The following CIP2A variants were observed in gnomAD, a reference collection of about 807,000 sequenced individuals.
The protein encoded by CIP2A is protein CIP2A.
In CIP2A, 103 loss-of-function variants were observed where a neutral mutation model predicts 110.9. The observed-to-expected ratio is 0.93, with a 90% confidence interval of 0.79 to 1.09. CIP2A has a LOEUF of 1.09. Among genes scored for constraint, CIP2A ranks in the 50% least tolerant of loss-of-function variants. The pLI, the probability that CIP2A is intolerant of heterozygous loss-of-function variation, is 0.00. For synonymous variants in CIP2A, 381 were observed against 361.6 expected (o/e 1.05, Z -0.61); for missense variants, 1,088 against 1,038.4 (o/e 1.05, Z -0.66).
intron 17 of CIP2A, among the ~76,000 whole-genome samples, chr3:108,555,787 A>G (rs190577639): frequency 1.4e-3 from 206 of 152,256 alleles, no homozygotes; most frequent in African/African-American, 4.6e-3. Flanking sequence ...TGTCCTTTAA[A>G]CTTAAACCAA....
intron 7 of CIP2A, among the ~76,000 whole-genome samples, chr3:108,578,264 T>C (rs1938749516): frequency 6.6e-6 from 1 of 152,244 alleles, no homozygotes; most frequent in Non-Finnish European, 1.5e-5. Context: ...ACTATGAAGA[T>C]GCTGAATAAG....
rs1032073620 is a variant in CIP2A, at chr3:108,553,267, C to T, written c.2407+381G>A. Among the ~76,000 whole-genome samples, 4 of 151,272 alleles carry T rather than the reference C, an allele frequency of 2.6e-5. No homozygotes were observed. In the South Asian group the frequency reaches 8.3e-4, roughly 32 times the overall value. On this transcript the variant is annotated intron_variant, in intron 19 of 20. Transcript: ENST00000295746. ...GTAGCTTCCTGAGTAGCTGGAACTA[C>T]AGGTGCACACTAACACACCTGGCTA... is the stretch of plus-strand genomic sequence containing the variant.
At chr3:108,583,724 A>G (rs1938960981) in intron 2 of CIP2A, among the ~76,000 whole-genome samples, 1 of 152,200 alleles carries the variant, frequency 6.6e-6, no homozygotes, top group Admixed American at 6.5e-5. Flanking sequence ...TAAGGTGACT[A>G]TAGTTAACAA....
In CIP2A at chr3:108,559,831, T is replaced by C; in HGVS notation, c.1939A>G (p.Lys647Glu). ...TCAGCCTGTGCAAGGGCTAGAGCTT[T>C]TGTTTCCAAAAGATCTTGTAGCCTG... is the stretch of plus-strand genomic sequence containing the variant. ...ESRLQDLLET[K>E]ALALAQADRL... Residue 647 changes from lysine (K) to glutamate (E), a missense_variant, in exon 16 of 21, where the codon AAA becomes GAA. Lys to Glu is a moderately conservative substitution (Grantham distance 56). Transcript: ENST00000295746. The C allele has an allele frequency of 6.2e-7, 1 of 1,607,978 alleles. No individual in the cohort carries two copies. The highest frequency in any genetic ancestry group is 8.5e-7 in the Non-Finnish European group (1 of 1,175,656).
At chr3:108,575,433 C>CACAT (rs1200743875) in intron 8 of CIP2A, among the ~76,000 whole-genome samples, 5 of 146,074 alleles carry the variant, frequency 3.4e-5, no homozygotes, top group Admixed American at 1.4e-4. Flanking sequence ...TGTATACATA[C>CACAT]ACATACATAT....
intron 1 of CIP2A, among the ~76,000 whole-genome samples, chr3:108,588,555 A>G (rs1939169678): frequency 6.6e-6 from 1 of 152,208 alleles, no homozygotes; most frequent in Non-Finnish European, 1.5e-5. Flanking sequence ...AAGCTGTGAC[A>G]CAGAGAGTTA....
rs141998510 is a variant in CIP2A at position 108,566,507 on chromosome 3, A to C, written c.1405T>G (p.Ser469Ala). ...DLGFGTKVADSELCKLAADVI... is the reference protein window; with the variant it reads ...DLGFGTKVADAELCKLAADVI... ...AGTTTATATACTCACCATAATTCAG[A>C]ATCTGCAACCTTTGTTCCAAATCCC... Residue 469 changes from serine to alanine, a missense_variant, in exon 11 of 21, where the codon TCT becomes GCT. By Grantham distance (99) the Ser-to-Ala change is moderately conservative. Transcript: ENST00000295746. The C allele has an allele frequency of 8.7e-6, 14 of 1,606,876 alleles. No homozygotes were observed. The African/African-American group carries it at 1.3e-4, about 15-fold the overall frequency.
Position 108,559,886 on chromosome 3 carries a change from T to A in CIP2A, c.1903-19A>T. ...CTTTGGACTACAAGAAAACATATCA[T>A]TAATTTTCATTTTAGGAATACATCT... On this transcript the variant is annotated intron_variant, in intron 15 of 20. Transcript: ENST00000295746. The A allele has an allele frequency of 6.3e-7, 1 of 1,594,730 alleles. No homozygotes were observed. The highest frequency in any genetic ancestry group is 8.6e-7 in the Non-Finnish European group (1 of 1,165,320).
rs768755726 is a variant in CIP2A at position 108,585,047 on chromosome 3, A to C, written c.250+18T>G. The C allele has an allele frequency of 5.6e-6, 9 of 1,595,290 alleles. No individual in the cohort carries two copies. The South Asian group carries it at 1.0e-4, about 18-fold the overall frequency. ...ATACATCTTCCAAAAACTAAAAAGG[A>C]GAAATTAAATGCATTACCTAGTTGA... On this transcript the variant is annotated intron_variant, in intron 2 of 20. Coordinates refer to ENST00000295746, the MANE Select transcript of CIP2A (RefSeq NM_020890.3).
intron 5 of CIP2A, among the ~76,000 whole-genome samples, chr3:108,580,200 C>T (rs760187050): frequency 2.0e-5 from 3 of 152,014 alleles, no homozygotes; most frequent in African/African-American, 7.3e-5. Context: ...CGTTACACAC[C>T]GTGGAGCAGC....
chr3:108,584,777 T>G (rs1448101155), intron 2 of CIP2A: 1 of 249,672 alleles, frequency 4.0e-6, no homozygotes, highest in African/African-American at 2.2e-5. Context: ...ATTGGAGTAG[T>G]GACCACTAAA....
At chr3:108,578,122 C>T (rs181657550) in intron 7 of CIP2A, among the ~76,000 whole-genome samples, 1 of 152,116 alleles carries the variant, frequency 6.6e-6, no homozygotes, top group Admixed American at 6.5e-5. Context: ...TGGGATTCTA[C>T]GATAGAGTAT....
chr3:108,555,290 T>TCCAG (rs1937751874), intron 17 of CIP2A, among the ~76,000 whole-genome samples: 1 of 152,134 alleles, frequency 6.6e-6, no homozygotes, highest in African/African-American at 2.4e-5. Flanking sequence ...TTTTAGGAGG[T>TCCAG]CTGAGGACCT....
intron 5 of CIP2A, 82 bp from the exon 6 acceptor site, chr3:108,579,770 G>A: frequency 1.4e-6 from 1 of 735,646 alleles, no homozygotes; most frequent in Admixed American, 3.8e-5. Flanking sequence ...CACAGAGTGG[G>A]CAAACTTTTA....
chr3:108,566,945 A>G (rs1938210504), intron 10 of CIP2A, among the ~76,000 whole-genome samples: 1 of 150,430 alleles, frequency 6.6e-6, no homozygotes, highest in Non-Finnish European at 1.5e-5. Flanking sequence ...AATAAGGGTA[A>G]GTTGTTTTGT....
At position 108,566,632 on chromosome 3, in the gene CIP2A, C is replaced by T; in HGVS notation, c.1280G>A (p.Cys427Tyr). Residue 427 changes from cysteine (C) to tyrosine (Y), a missense_variant, in exon 11 of 21, where the codon TGT becomes TAT. Cys to Tyr is a radical substitution (Grantham distance 194). Transcript: ENST00000295746. ...AKAIEVLLTL[C>Y]GDDTLKMHIA... ...ATGCATTTTTAGTGTATCATCTCCA[C>T]AGAGAGGTTAAGTTTTGTTAAGATA... is the stretch of plus-strand genomic sequence containing the variant. The T allele has an allele frequency of 6.3e-7, 1 of 1,582,824 alleles. No individual in the cohort carries two copies. Among genetic ancestry groups the T allele is most frequent in the Non-Finnish European group, 8.6e-7 (1 of 1,165,760 alleles).
Position 108,589,319 on chromosome 3 carries a change from G to T in CIP2A, c.57C>A (p.Ala19=), listed in dbSNP as rs35935525. Residue 19 remains alanine, a synonymous_variant, in exon 1 of 21, where the codon GCC becomes GCA. Coordinates refer to ENST00000295746, the MANE Select transcript of CIP2A (RefSeq NM_020890.3). Reference sequence around the variant, plus strand: ...GAGTGGCGTTCGCCTCTGACTTCACGGCTTTGTACTGACTGACAGTCAGGA... The same window carrying T: ...GAGTGGCGTTCGCCTCTGACTTCACTGCTTTGTACTGACTGACAGTCAGGA... The part of the protein sequence containing the change: ...SLLLTVSQYK[A]VKSEANATQL... The T allele has an allele frequency of 6.2e-7, 1 of 1,614,058 alleles. No individual in the cohort carries two copies. Among genetic ancestry groups the T allele is most frequent in the South Asian group, 1.1e-5 (1 of 91,032 alleles).
intron 1 of CIP2A, among the ~76,000 whole-genome samples, chr3:108,587,971 G>T (rs1286762867): frequency 6.6e-6 from 1 of 152,066 alleles, no homozygotes; most frequent in East Asian, 1.9e-4. Flanking sequence ...TAGAGACGGG[G>T]TTTCGCATGT....
At chr3:108,580,087 GTAGCAT>G (rs1938810547) in intron 5 of CIP2A, among the ~76,000 whole-genome samples, 1 of 152,172 alleles carries the variant, frequency 6.6e-6, no homozygotes, top group Non-Finnish European at 1.5e-5. Flanking sequence ...CAAAAGAACT[GTAGCAT>G]TTGTTAGCAT....
Sources: allele counts gnomAD v4.1 joint callset (sites outside exome capture counted in the v4.1 genomes callset), GRCh38; gene constraint gnomAD v4.1.1; transcripts MANE v1.5; gene names NCBI Gene and HGNC (gene_info 2026-07-23, HGNC 2026-07-21).